ZNF234: variants seen among roughly 807,000 people sequenced by gnomAD.
ZNF234 encodes the protein zinc finger protein 234, also known as C2-H2 type zinc finger protein.
In ZNF234, 4 loss-of-function variants were observed where a neutral mutation model predicts 10.3. The observed-to-expected ratio is 0.39, with a 90% CI of 0.19 to 0.89. The LOEUF (loss-of-function observed/expected upper bound fraction) is 0.89, where lower values mean the gene tolerates loss of function less well. Among genes scored for constraint, ZNF234 ranks in the 40% least tolerant of loss-of-function variants. ZNF234 has a pLI of 0.38. For missense variants in ZNF234, 711 were observed against 836.1 expected (o/e 0.85, Z 1.85); for synonymous variants, 258 against 280.1 (o/e 0.92, Z 0.79).
chr19:44,154,630 T>TTCC (rs1968832530), intron 5 of ZNF234, among the ~76,000 whole-genome samples: 3 of 100,996 alleles, frequency 3.0e-5, no homozygotes, highest in African/African-American at 1.6e-4. Context: ...CTCTTTTTCT[T>TTCC]TTTTTTTTTT....
chr19:44,144,686 C>G (rs769140529), intron 3 of ZNF234, 39 bp downstream of exon 3: 1 of 1,518,678 alleles, frequency 6.6e-7, no homozygotes, highest in Admixed American at 1.9e-5. Flanking sequence ...AAAATTCCAT[C>G]TCACTATTCT....
intron 2 of ZNF234, among the ~76,000 whole-genome samples, chr19:44,143,334 G>C (rs1264840191): frequency 6.6e-6 from 1 of 152,192 alleles, no homozygotes; most frequent in East Asian, 1.9e-4. Flanking sequence ...CTCTGGCCGG[G>C]CGCGGTGGCT....
chr19:44,149,018 A>C, intron 4 of ZNF234, 121 bp downstream of exon 4: 2 of 1,204,036 alleles, frequency 1.7e-6, no homozygotes, highest in Non-Finnish European at 2.3e-6. Context: ...TGACTTTCCT[A>C]TCAGTAGTTT....
Position 44,148,677 on chromosome 19 carries a change from A to G in ZNF234, c.16-94A>G, listed in dbSNP as rs760500618. 1.9e-6 allele frequency: 3 copies of G among 1,560,632 alleles called. No individual in the cohort carries two copies. The African/African-American group carries it at 4.1e-5, about 21-fold the overall frequency. On this transcript the variant is annotated intron_variant, in intron 3 of 5. Coordinates refer to ENST00000426739, the MANE Select transcript of ZNF234 (RefSeq NM_006630.3). The stretch of plus-strand genomic sequence containing the variant: ...ACACATTAAGTCTCTGAAAATCTGG[A>G]CCAGCTCCCCCTACATACTCTCCAC...
chr19:44,145,811 A>G (rs1326285099), intron 3 of ZNF234, among the ~76,000 whole-genome samples: 1 of 152,236 alleles, frequency 6.6e-6, no homozygotes. Flanking sequence ...TGCCTCGATC[A>G]TACTTTGTAT....
chr19:44,144,625 G>A lies in ZNF234; in HGVS notation c.-8G>A. On this transcript the variant is annotated 5_prime_UTR_variant, in exon 3 of 6. Coordinates refer to ENST00000426739, the MANE Select transcript of ZNF234 (RefSeq NM_006630.3). The stretch of plus-strand genomic sequence containing the variant: ...GGACTCTGCAAATTCCCAGAAACAG[G>A]AGGAAAAATGACCACATTCAAGGTG... 1.9e-6 allele frequency: 3 copies of A among 1,573,006 alleles called. No individual in the cohort carries two copies. The highest frequency in any genetic ancestry group is 2.6e-6 in the Non-Finnish European group (3 of 1,155,742).
rs12609504 is a variant in ZNF234 at position 44,144,575 on chromosome 19, G to T, written c.-58G>T. 1.3e-3 allele frequency: 1,894 copies of T among 1,467,282 alleles called. 34 individuals are homozygous for T. The East Asian group carries it at 0.039, about 30-fold the overall frequency. The allele number at this position is 1,467,282 out of a possible 1,614,324, so 90.9% of individuals were successfully genotyped here. On this transcript the variant is annotated 5_prime_UTR_variant, in exon 3 of 6. Transcript: ENST00000426739. ...TCCATAGTGTTCCAGGCACGATTCT[G>T]CCTTCTCTCAAATGGCATAACTCAG...
In ZNF234 at chr19:44,159,632, C is replaced by T. The variant is rs1968990549; in HGVS notation, c.*1513C>T. On this transcript the variant is annotated 3_prime_UTR_variant, in exon 6 of 6. Coordinates refer to ENST00000426739, the MANE Select transcript of ZNF234 (RefSeq NM_006630.3). ...ACTTTTAAAGTGTCAGAAGTAGTTG[C>T]CAATGCCAAATTTTTATCAGCCCCC... 1 of 473,038 alleles carries T rather than the reference C, an allele frequency of 2.1e-6. No homozygotes were observed. The allele number at this position is 473,038 out of a possible 1,614,324, so 29.3% of individuals were successfully genotyped here. A position where few individuals can be genotyped will look rare whatever the true frequency, so the allele number is the denominator to read the frequency against.
At chr19:44,156,062 T>C (rs1217011052) in intron 5 of ZNF234, among the ~76,000 whole-genome samples, 190 bp from the exon 6 acceptor site, 1 of 152,222 alleles carries the variant, frequency 6.6e-6, no homozygotes, top group Non-Finnish European at 1.5e-5. Flanking sequence ...GCCTGGTAGA[T>C]AGCAGCCAAT....
chr19:44,148,418 T>C (rs1267992706), intron 3 of ZNF234, among the ~76,000 whole-genome samples: 1 of 152,206 alleles, frequency 6.6e-6, no homozygotes, highest in African/African-American at 2.4e-5. Context: ...GGTGTTATCA[T>C]GTATGTTGGT....
chr19:44,147,795 T>G (rs1274563193), intron 3 of ZNF234, among the ~76,000 whole-genome samples: 3 of 151,780 alleles, frequency 2.0e-5, no homozygotes, highest in Non-Finnish European at 4.4e-5. Flanking sequence ...GAGGTTGCAG[T>G]GAGCCAAGAT....
chr19:44,160,206 TAAGG>T lies in ZNF234; in HGVS notation c.*2091_*2094del, dbSNP rs1412240854. The T allele has an allele frequency of 6.6e-6, 1 of 152,178 alleles. No individual in the cohort carries two copies. Among genetic ancestry groups the T allele is most frequent in the Non-Finnish European group, 1.5e-5 (1 of 68,038 alleles). The allele number at this position is 152,178 out of a possible 1,614,324, so 9.4% of individuals were successfully genotyped here. A position where few individuals can be genotyped will look rare whatever the true frequency, so the allele number is the denominator to read the frequency against. Reference sequence around the variant, plus strand: ...TATTGCTGGCAGTAAAACATGGGTTTAAGGAAGAGTGTTTTTCAGAATTTACACT... The same window carrying T: ...TATTGCTGGCAGTAAAACATGGGTTTAAGAGTGTTTTTCAGAATTTACACT... On this transcript the variant is annotated 3_prime_UTR_variant, in exon 6 of 6. Transcript: ENST00000426739.
At chr19:44,146,247 A>T (rs573223189) in intron 3 of ZNF234, among the ~76,000 whole-genome samples, 1 of 152,334 alleles carries the variant, frequency 6.6e-6, no homozygotes, top group Non-Finnish European at 1.5e-5. Flanking sequence ...CCAGGTGCAC[A>T]AGGACAGTGA....
In ZNF234 at chr19:44,149,445, C is replaced by CA. The variant is rs367603326; in HGVS notation, c.142+558dup. ...CCTGGGTGACAGAGTGAGACTGTCTCAAAAAAAAAAGACATTGGTTAGAAA... is the reference window on the plus strand; with the variant it reads ...CCTGGGTGACAGAGTGAGACTGTCTCAAAAAAAAAAAGACATTGGTTAGAAA... On this transcript the variant is annotated intron_variant, in intron 4 of 5. Coordinates refer to ENST00000426739, the MANE Select transcript of ZNF234 (RefSeq NM_006630.3). 9.4e-4 allele frequency among the ~76,000 whole-genome samples: 136 copies of CA among 144,422 alleles called. 1 individual carries two copies. The highest frequency in any genetic ancestry group is 2.7e-3 in the African/African-American group (107 of 39,316). 94.7% of individuals were successfully genotyped at this position (144,422 alleles called of 152,430 possible). A position where few individuals can be genotyped will look rare whatever the true frequency, so the allele number is the denominator to read the frequency against.
chr19:44,145,575 A>G (rs1175364601), intron 3 of ZNF234, among the ~76,000 whole-genome samples: 1 of 152,182 alleles, frequency 6.6e-6, no homozygotes, highest in Non-Finnish European at 1.5e-5. Flanking sequence ...TATTTTTAGT[A>G]GAGATGGGAC....
At chr19:44,146,380 C>T (rs1410083047) in intron 3 of ZNF234, among the ~76,000 whole-genome samples, 1 of 152,114 alleles carries the variant, frequency 6.6e-6, no homozygotes, top group African/African-American at 2.4e-5. Flanking sequence ...AGTTCTAGAT[C>T]CCTGAGGAAT....
Position 44,157,556 on chromosome 19 carries a change from T to C in ZNF234, c.1540T>C (p.Cys514Arg). The change falls in exon 6 of 6, where the codon TGT becomes CGT. Residue 514 changes from cysteine to arginine, a missense_variant. Coordinates refer to ENST00000426739, the MANE Select transcript of ZNF234 (RefSeq NM_006630.3). ...CCACACAGGGGAGAAACCATATAAT[T>C]GTGAGGAGTGTGGGAAGGTCTTCAG... ...RIHTGEKPYN[C>R]EECGKVFSQA... The C allele has an allele frequency of 6.2e-7, 1 of 1,614,160 alleles. No homozygotes were observed. Among genetic ancestry groups the C allele is most frequent in the South Asian group, 1.1e-5 (1 of 91,078 alleles).
Position 44,156,584 on chromosome 19 carries a change from G to A in ZNF234, c.568G>A (p.Ala190Thr). The change falls in exon 6 of 6, where the codon GCC (alanine) becomes ACC (threonine). Residue 190 changes from alanine to threonine, a missense_variant. Physicochemically the swap from Ala to Thr is moderately conservative, Grantham distance 58. Coordinates refer to ENST00000426739, the MANE Select transcript of ZNF234 (RefSeq NM_006630.3). The part of the protein sequence containing the change: ...ECGKSFCYIS[A>T]LHIHQRVHMG... ...TGGAAAAAGCTTCTGTTACATCTCA[G>A]CCCTTCATATTCATCAAAGAGTCCA... is the stretch of plus-strand genomic sequence containing the variant. The A allele has an allele frequency of 1.2e-6, 2 of 1,614,092 alleles. No homozygotes were observed. The highest frequency in any genetic ancestry group is 1.7e-6 in the Non-Finnish European group (2 of 1,180,008).
In ZNF234 at chr19:44,156,819, C is replaced by G. The variant is rs772530173; in HGVS notation, c.803C>G (p.Ala268Gly). 5.6e-6 allele frequency: 9 copies of G among 1,608,992 alleles called. No individual in the cohort carries two copies. Among genetic ancestry groups the G allele is most frequent in the South Asian group, 2.2e-5 (2 of 90,682 alleles). The change falls in exon 6 of 6, where the codon GCC (alanine) becomes GGC (glycine). Residue 268 changes from alanine to glycine, a missense_variant. Ala to Gly is a moderately conservative substitution (Grantham distance 60). Transcript: ENST00000426739. ...KPYNCEECGRAFIHASHLQEH... is the reference protein window; with the variant it reads ...KPYNCEECGRGFIHASHLQEH... ...TACAATTGTGAGGAATGTGGAAGGGCCTTCATACATGCTTCCCATCTTCAG... is the reference window on the plus strand; with the variant it reads ...TACAATTGTGAGGAATGTGGAAGGGGCTTCATACATGCTTCCCATCTTCAG...
Sources: gnomAD v4.1 joint callset for allele counts (sites outside exome capture counted in the v4.1 genomes callset) on GRCh38, gnomAD v4.1.1 for gene constraint, MANE v1.5 for transcripts, NCBI Gene and HGNC (gene_info 2026-07-23, HGNC 2026-07-21) for gene names.